C12orf42: variants seen among roughly 807,000 people sequenced by gnomAD.
C12orf42 encodes chromosome 12 open reading frame 42, also known as uncharacterized protein C12orf42.
In C12orf42, 25 loss-of-function variants were observed where a neutral mutation model predicts 21.6. The ratio of observed to expected loss-of-function variants is 1.16; its 90% confidence interval spans 0.84 to 1.62. The LOEUF is 1.62. Among genes scored for constraint, C12orf42 ranks in the 40% most tolerant of loss-of-function variants. C12orf42 has a pLI of 0.00. For synonymous variants in C12orf42, 174 were observed against 175.0 expected, an observed-to-expected ratio of 0.99 and a Z score of 0.05; for missense variants, 483 against 459.3, an observed-to-expected ratio of 1.05 and a Z score of -0.47.
chr12:103,426,099 C>T lies in C12orf42; in HGVS notation c.79-24424G>A, dbSNP rs929591085. 1.3e-4 allele frequency among the ~76,000 whole-genome samples: 20 copies of T among 152,094 alleles called. 1 individual carries two copies. The highest frequency in any genetic ancestry group is 2.4e-4 in the Non-Finnish European group (16 of 68,018). On this transcript the variant is annotated intron_variant, in intron 2 of 5. Transcript: ENST00000548883. Reference sequence around the variant, plus strand: ...TTGTCAGCAAGGGAACAAAACTGGACGGAGAATGAGCTTGATGAATTGACA... The same window carrying T: ...TTGTCAGCAAGGGAACAAAACTGGATGGAGAATGAGCTTGATGAATTGACA...
the C12orf42 span, among the ~76,000 whole-genome samples, chr12:103,152,494 A>G: frequency 6.6e-6 from 1 of 152,216 alleles, no homozygotes; most frequent in African/African-American, 2.4e-5. Context: ...CAAAACAAAT[A>G]AACAAAATAA....
At chr12:103,504,955 C>T in the C12orf42 span, 91 of 169,666 alleles carry the variant, frequency 5.4e-4, no homozygotes, top group African/African-American at 2.1e-3. Flanking sequence ...AGCCAGTGGC[C>T]CAAAGCTCTC....
the C12orf42 span, among the ~76,000 whole-genome samples, chr12:103,224,091 C>T: frequency 6.6e-6 from 1 of 152,252 alleles, no homozygotes; most frequent in Admixed American, 6.5e-5. Flanking sequence ...CTGCGGTGGC[C>T]TTCTCAGACC....
intron 2 of C12orf42, among the ~76,000 whole-genome samples, chr12:103,472,797 A>G (rs1384203410): frequency 1.3e-5 from 2 of 152,244 alleles, no homozygotes; most frequent in African/African-American, 2.4e-5. Context: ...AAAGAATGGA[A>G]CACACATTCA....
chr12:103,324,328 T>A (rs2040470010), intron 4 of C12orf42, among the ~76,000 whole-genome samples: 1 of 152,148 alleles, frequency 6.6e-6, no homozygotes, highest in East Asian at 1.9e-4. Flanking sequence ...AATTTATCAC[T>A]CTATTAATAA....
At chr12:103,313,295 T>G (rs2136680053) in intron 4 of C12orf42, among the ~76,000 whole-genome samples, 1 of 152,368 alleles carries the variant, frequency 6.6e-6, no homozygotes, top group South Asian at 2.1e-4. Flanking sequence ...AAAAGTATTC[T>G]TACACCACAT....
At chr12:103,312,284 A>C (rs578074041) in intron 4 of C12orf42, among the ~76,000 whole-genome samples, 1 of 152,304 alleles carries the variant, frequency 6.6e-6, no homozygotes, top group Non-Finnish European at 1.5e-5. Flanking sequence ...GTAGTGCCAG[A>C]GGATACATGT....
At chr12:103,518,784 C>G in the C12orf42 span, among the ~76,000 whole-genome samples, 1 of 152,142 alleles carries the variant, frequency 6.6e-6, no homozygotes, top group Non-Finnish European at 1.5e-5. Flanking sequence ...ATCCTGATCT[C>G]TTTATTATTT....
rs75071794 is a variant in C12orf42, at chr12:103,453,355, A to T, written c.78+24994T>A. 2.6e-3 allele frequency among the ~76,000 whole-genome samples: 398 copies of T among 152,010 alleles called. 2 individuals carry two copies. Among genetic ancestry groups the T allele is most frequent in the African/African-American group, 8.8e-3 (366 of 41,544 alleles). On this transcript the variant is annotated intron_variant, in intron 2 of 5. Coordinates refer to ENST00000548883, the MANE Select transcript of C12orf42 (RefSeq NM_198521.5). ...TTCAAATTTATTAACATAAAGTTTT[A>T]ATACATCTTTGTCATACTCATCTCT...
At chr12:103,085,186 T>A in the C12orf42 span, among the ~76,000 whole-genome samples, 3 of 152,168 alleles carry the variant, frequency 2.0e-5, no homozygotes, top group African/African-American at 7.2e-5. Context: ...AATAGATACA[T>A]TTTTGGCAAA....
chr12:103,305,120 C>T (rs911486000), intron 5 of C12orf42, among the ~76,000 whole-genome samples: 2 of 152,138 alleles, frequency 1.3e-5, no homozygotes, highest in African/African-American at 4.8e-5. Flanking sequence ...CAAATAATCT[C>T]GTGTTTGCAG....
At chr12:103,194,238 G>A in the C12orf42 span, among the ~76,000 whole-genome samples, 15 of 151,936 alleles carry the variant, frequency 9.9e-5, no homozygotes, top group African/African-American at 3.4e-4. Context: ...GAAAATTGAA[G>A]AGCTTTTCCT....
chr12:103,559,083 T>G, the C12orf42 span: 7 of 152,184 alleles, frequency 4.6e-5, no homozygotes, highest in African/African-American at 7.2e-5. Flanking sequence ...TAAGAGTGTG[T>G]CTTTATGCCC....
At chr12:103,136,547 A>G in the C12orf42 span, among the ~76,000 whole-genome samples, 1 of 148,666 alleles carries the variant, frequency 6.7e-6, no homozygotes, top group Admixed American at 6.6e-5. Context: ...TAAAATGTAT[A>G]CGGAACCATA....
chr12:103,403,474 C>T (rs78971642), intron 2 of C12orf42, among the ~76,000 whole-genome samples: 12 of 151,972 alleles, frequency 7.9e-5, no homozygotes, highest in African/African-American at 4.8e-5. Flanking sequence ...AATTCTAAAT[C>T]GCCAACATTT....
chr12:103,484,009 GCATAGTATTC>G (rs1435846614), intron 1 of C12orf42, among the ~76,000 whole-genome samples: 1 of 152,152 alleles, frequency 6.6e-6, no homozygotes, highest in African/African-American at 2.4e-5. Flanking sequence ...TTTTATGGCT[GCATAGTATTC>G]CATGGTGTAT....
At chr12:103,418,224 G>T (rs10860997) in intron 2 of C12orf42, among the ~76,000 whole-genome samples, 2 of 151,880 alleles carry the variant, frequency 1.3e-5, no homozygotes, top group African/African-American at 4.8e-5. Flanking sequence ...AAAAATTCAG[G>T]GTTTTGGAAT....
chr12:103,212,930 C>G, the C12orf42 span, among the ~76,000 whole-genome samples: 1 of 151,902 alleles, frequency 6.6e-6, no homozygotes, highest in Non-Finnish European at 1.5e-5. Flanking sequence ...TAGATACACA[C>G]ACGCACTACA....
intron 4 of C12orf42, chr12:103,349,403 TC>T (rs2042917299): frequency 1.3e-5 from 2 of 152,094 alleles, no homozygotes; most frequent in Non-Finnish European, 2.9e-5. Context: ...ATTTCGGAGT[TC>T]CCTGTTGAAA....
Sources: gnomAD v4.1 joint callset for allele counts (sites outside exome capture counted in the v4.1 genomes callset) on GRCh38, gnomAD v4.1.1 for gene constraint, MANE v1.5 for transcripts, NCBI Gene and HGNC (gene_info 2026-07-23, HGNC 2026-07-21) for gene names.